The following OR5B2 variants were observed in gnomAD, a reference collection of about 807,000 sequenced individuals.
OR5B2 encodes the protein olfactory receptor 5B2.
For missense variants in OR5B2, 411 were observed against 367.0 expected, an observed-to-expected ratio of 1.12 and a Z score of -0.98; for synonymous variants, 163 against 140.8, an observed-to-expected ratio of 1.16 and a Z score of -1.11.
At chr11:58,423,631 C>T (rs1270111050) in intron 2 of OR5B2, among the ~76,000 whole-genome samples, 1 of 152,102 alleles carries the variant, frequency 6.6e-6, no homozygotes, top group Non-Finnish European at 1.5e-5. Flanking sequence ...ATTTATGTTG[C>T]TCACATACTG....
intron 2 of OR5B2, among the ~76,000 whole-genome samples, chr11:58,425,970 T>A (rs1292010316): frequency 3.9e-5 from 6 of 152,108 alleles, no homozygotes; most frequent in African/African-American, 1.4e-4. Context: ...CTGTGCAAAG[T>A]TAGGCATGAG....
Position 58,422,718 on chromosome 11 carries a change from C to G in OR5B2, c.544G>C (p.Val182Leu). 6.2e-7 allele frequency: 1 copy of G among 1,613,818 alleles called. No individual in the cohort carries two copies. The highest frequency in any genetic ancestry group is 8.5e-7 in the Non-Finnish European group (1 of 1,179,860). Reference sequence around the variant, plus strand: ...TTATCAGAGCAAGACAGAGCCATGACTGCTGGAACATCACAGAAAAAGTGA... The same window carrying G: ...TTATCAGAGCAAGACAGAGCCATGAGTGCTGGAACATCACAGAAAAAGTGA... ...VHHFFCDVPA[V>L]MALSCSDKHT... The change falls in exon 3 of 3, where the codon GTC becomes CTC. Residue 182 changes from valine to leucine, a missense_variant. Transcript: ENST00000641342.
intron 1 of OR5B2, 90 bp downstream of exon 1, chr11:58,427,929 A>G (rs751490868): frequency 2.6e-5 from 4 of 152,184 alleles, no homozygotes; most frequent in Non-Finnish European, 5.9e-5. Flanking sequence ...CCTGATGCTA[A>G]CTCATAGTGG....
rs186124818 is a variant in OR5B2, at chr11:58,428,038, C to T, written c.-103G>A. ...TCTTACCTTGATTGGAGGAGGAATC[C>T]ACATGGCCAGAATGGAGAGGCAAGA... On this transcript the variant is annotated 5_prime_UTR_variant, in exon 1 of 3. An upstream open reading frame in the 5' UTR gains an earlier in-frame stop. Transcript: ENST00000641342. The T allele has an allele frequency of 1.3e-5, 2 of 152,494 alleles. No individual in the cohort carries two copies. Among genetic ancestry groups the T allele is most frequent in the East Asian group, 3.9e-4 (2 of 5,164 alleles). The allele number at this position is 152,494 out of a possible 1,614,324, so 9.4% of individuals were successfully genotyped here.
At chr11:58,427,789 C>G (rs867768306) in intron 1 of OR5B2, among the ~76,000 whole-genome samples, 1 of 152,108 alleles carries the variant, frequency 6.6e-6, no homozygotes, top group African/African-American at 2.4e-5. Context: ...CCTAGGCTAT[C>G]GGGAACTTTT....
chr11:58,427,835 A>G (rs1034875976), intron 1 of OR5B2, among the ~76,000 whole-genome samples, 184 bp downstream of exon 1: 1 of 152,168 alleles, frequency 6.6e-6, no homozygotes, highest in African/African-American at 2.4e-5. Context: ...CTTGGGGAAC[A>G]GTCAAGGGAC....
In OR5B2 at chr11:58,423,210, C is replaced by T. The variant is rs549238456; in HGVS notation, c.52G>A (p.Val18Ile). ...AAGAGGGGGATCTGTAGTTCTGGGA[C>T]ACTGGTTAGTCCTAGAAGAATGAAC... is the stretch of plus-strand genomic sequence containing the variant. ...TKFILLGLTS[V>I]PELQIPLFIL... The change falls in exon 3 of 3, where the codon GTC becomes ATC. Residue 18 changes from valine to isoleucine, a missense_variant. Val to Ile is a conservative substitution (Grantham distance 29). Coordinates refer to ENST00000641342, the MANE Select transcript of OR5B2 (RefSeq NM_001005566.3). 8 of 1,613,100 alleles carry T rather than the reference C, an allele frequency of 5.0e-6. No homozygotes were observed. In the East Asian group the frequency reaches 1.6e-4, roughly 31 times the overall value.
chr11:58,423,021 C>T lies in OR5B2; in HGVS notation c.241G>A (p.Ala81Thr). 1.2e-6 allele frequency: 2 copies of T among 1,613,746 alleles called. No homozygotes were observed. Among genetic ancestry groups the T allele is most frequent in the Middle Eastern group, 1.7e-4 (1 of 6,060 alleles). The change falls in exon 3 of 3, where the codon GCT becomes ACT. Residue 81 changes from alanine (A) to threonine (T), a missense_variant. Physicochemically the swap from Ala to Thr is moderately conservative, Grantham distance 58 (BLOSUM62 0). Coordinates refer to ENST00000641342, the MANE Select transcript of OR5B2 (RefSeq NM_001005566.3). The stretch of plus-strand genomic sequence containing the variant: ...ACCTTGTCTCCTCTAAGGAACCCAG[C>T]CATGACCTTGGGAGTGACAGCTGAG... The part of the protein sequence containing the change: ...YSSAVTPKVM[A>T]GFLRGDKVIS...
chr11:58,423,187 G>C lies in OR5B2; in HGVS notation c.75C>G (p.Leu25=). The change falls in exon 3 of 3, where the codon CTC becomes CTG. Residue 25 remains leucine, a synonymous_variant. Transcript: ENST00000641342. ...LTSVPELQIP[L]FILFTFIYLL... is the part of the protein sequence containing the mutation. Reference sequence around the variant, plus strand: ...GGTAGATGAAGGTGAACAAGATAAAGAGGGGGATCTGTAGTTCTGGGACAC... The same window carrying C: ...GGTAGATGAAGGTGAACAAGATAAACAGGGGGATCTGTAGTTCTGGGACAC... 2.5e-6 allele frequency: 4 copies of C among 1,613,634 alleles called. No individual in the cohort carries two copies. The highest frequency in any genetic ancestry group is 3.4e-6 in the Non-Finnish European group (4 of 1,179,674).
chr11:58,423,219 G>A lies in OR5B2; in HGVS notation c.43C>T (p.Leu15=). ...TEVTKFILLG[L]TSVPELQIPL... ...ATCTGTAGTTCTGGGACACTGGTTAGTCCTAGAAGAATGAACTTTGTCACT... is the reference window on the plus strand; with the variant it reads ...ATCTGTAGTTCTGGGACACTGGTTAATCCTAGAAGAATGAACTTTGTCACT... Residue 15 remains leucine (L), a synonymous_variant, in exon 3 of 3, where the codon CTA becomes TTA. Coordinates refer to ENST00000641342, the MANE Select transcript of OR5B2 (RefSeq NM_001005566.3). The A allele has an allele frequency of 6.2e-7, 1 of 1,609,326 alleles. No individual in the cohort carries two copies. The highest frequency in any genetic ancestry group is 8.5e-7 in the Non-Finnish European group (1 of 1,177,374).
Position 58,423,266 on chromosome 11 carries a change from A to G in OR5B2, c.-5T>C, listed in dbSNP as rs1231154265. 1 of 1,548,414 alleles carries G rather than the reference A, an allele frequency of 6.5e-7. No homozygotes were observed. Among genetic ancestry groups the G allele is most frequent in the African/African-American group, 1.4e-5 (1 of 72,960 alleles). On this transcript the variant is annotated 5_prime_UTR_variant, in exon 3 of 3. Coordinates refer to ENST00000641342, the MANE Select transcript of OR5B2 (RefSeq NM_001005566.3). Reference sequence around the variant, plus strand: ...CACTTCCGTACAATTCTCCATCAGTATTATCTGAGAAACTTAAGATGACCT... The same window carrying G: ...CACTTCCGTACAATTCTCCATCAGTGTTATCTGAGAAACTTAAGATGACCT...
intron 2 of OR5B2, among the ~76,000 whole-genome samples, chr11:58,424,047 A>C (rs1855312392): frequency 1.3e-5 from 2 of 152,196 alleles, no homozygotes; most frequent in South Asian, 4.1e-4. Flanking sequence ...AGAGGTGCTT[A>C]TCAGCCCTAC....
At position 58,422,809 on chromosome 11, in the gene OR5B2, G is replaced by A. The variant is rs267603026; in HGVS notation, c.453C>T (p.Phe151=). ...CCCCAATGTGGAATGAGGCATTTAG[G>A]AAGCCACAGACATATGAGCCTAGGG... ...CLALGSYVCG[F]LNASFHIGGI... Residue 151 remains phenylalanine (F), a synonymous_variant, in exon 3 of 3, where the codon TTC becomes TTT. Transcript: ENST00000641342. The A allele has an allele frequency of 3.1e-6, 5 of 1,613,560 alleles. No individual in the cohort carries two copies. The highest frequency in any genetic ancestry group is 4.2e-6 in the Non-Finnish European group (5 of 1,179,856).
Position 58,422,596 on chromosome 11 carries a change from G to A in OR5B2, c.666C>T (p.Thr222=), listed in dbSNP as rs984934658. 35 of 1,613,396 alleles carry A rather than the reference G, an allele frequency of 2.2e-5. No individual in the cohort carries two copies. Among genetic ancestry groups the A allele is most frequent in the Non-Finnish European group, 3.0e-5 (35 of 1,179,720 alleles). The change falls in exon 3 of 3, where the codon ACC becomes ACT. Residue 222 remains threonine, a synonymous_variant. Coordinates refer to ENST00000641342, the MANE Select transcript of OR5B2 (RefSeq NM_001005566.3). The part of the protein sequence containing the change: ...IFISYLFIFI[T]ILKMHSAKGH... ...CCTTAGCTGAATGCATCTTCAAGAT[G>A]GTGATGAATATGAACAAGTAGGAGA...
rs530304837 is a variant in OR5B2 at position 58,423,705 on chromosome 11, G to A, written c.-28-416C>T. 4.6e-5 allele frequency among the ~76,000 whole-genome samples: 7 copies of A among 152,110 alleles called. No homozygotes were observed. In the South Asian group the frequency reaches 1.2e-3, roughly 27 times the overall value. ...CTCAACAATATAATGAGGTTGATTC[G>A]TTATTACATTTATTTAATTTGTGAG... On this transcript the variant is annotated intron_variant, in intron 2 of 2. Transcript: ENST00000641342.
At chr11:58,426,336 AC>A (rs895157229) in intron 2 of OR5B2, among the ~76,000 whole-genome samples, 10 of 151,746 alleles carry the variant, frequency 6.6e-5, no homozygotes, top group Non-Finnish European at 1.3e-4. Context: ...CCTATCCTCC[AC>A]CCTTCGATAG....
chr11:58,424,015 G>C (rs1179226807), intron 2 of OR5B2, among the ~76,000 whole-genome samples: 5 of 152,162 alleles, frequency 3.3e-5, no homozygotes, highest in African/African-American at 1.2e-4. Context: ...GGCAGCATCA[G>C]ATATAGAGTT....
In OR5B2 at chr11:58,428,023, A is replaced by T. The variant is rs1673306845; in HGVS notation, c.-88T>A. On this transcript the variant is annotated 5_prime_UTR_variant, in exon 1 of 3. Coordinates refer to ENST00000641342, the MANE Select transcript of OR5B2 (RefSeq NM_001005566.3). ...GCCAGAGATTTGTGATCTTACCTTG[A>T]TTGGAGGAGGAATCCACATGGCCAG... The T allele has an allele frequency of 6.6e-6, 1 of 152,386 alleles. No individual in the cohort carries two copies. Among genetic ancestry groups the T allele is most frequent in the South Asian group, 2.1e-4 (1 of 4,830 alleles). 9.4% of individuals were successfully genotyped at this position (152,386 alleles called of 1,614,324 possible).
chr11:58,425,460 G>A (rs2119942773), intron 2 of OR5B2, among the ~76,000 whole-genome samples: 1 of 152,010 alleles, frequency 6.6e-6, no homozygotes, highest in African/African-American at 2.4e-5. Context: ...TTTACTAAAT[G>A]TATATATGGA....
Sources: gnomAD v4.1 joint callset for allele counts (sites outside exome capture counted in the v4.1 genomes callset) on GRCh38, gnomAD v4.1.1 for gene constraint, MANE v1.5 for transcripts, NCBI Gene and HGNC (gene_info 2026-07-23, HGNC 2026-07-21) for gene names.